Variants in CNBD1 observed in about 807,000 individuals in gnomAD.
CNBD1 encodes the protein cyclic nucleotide binding domain containing 1.
A neutral mutation model predicts 54.4 loss-of-function variants in CNBD1; 71 were observed. The observed-to-expected ratio is 1.30, with a 90% CI of 1.08 to 1.59. The LOEUF (loss-of-function observed/expected upper bound fraction) is 1.59. Among genes scored for constraint, CNBD1 ranks in the 40% most tolerant of loss-of-function variants. The probability of loss-of-function intolerance (pLI) is 0.00; values close to 1 mark genes in which losing one functional copy is unlikely to be tolerated. For synonymous variants in CNBD1, 182 were observed against 170.7 expected (o/e 1.07, Z -0.51); for missense variants, 659 against 518.0 (o/e 1.27, Z -2.64).
intron 10 of CNBD1, among the ~76,000 whole-genome samples, chr8:87,362,424 G>C (rs76043961): frequency 6.6e-6 from 1 of 152,172 alleles, no homozygotes; most frequent in East Asian, 1.9e-4. Context: ...CCAACAGACA[G>C]TCCAAGGCAA....
At chr8:87,401,554 T>A (rs573704719) in intron 2 of CNBD1, among the ~76,000 whole-genome samples, 1 of 152,084 alleles carries the variant, frequency 6.6e-6, no homozygotes, top group Non-Finnish European at 1.5e-5. Context: ...TCTTGTTTTT[T>A]ATGTTATTTT....
intron 4 of CNBD1, among the ~76,000 whole-genome samples, chr8:87,067,493 A>G (rs1032388646): frequency 6.6e-6 from 1 of 151,984 alleles, no homozygotes; most frequent in African/African-American, 2.4e-5. Flanking sequence ...GTTTATAAAA[A>G]TTTCATGAGA....
In CNBD1 at chr8:87,373,663, G is replaced by A. The variant is rs189347286; in HGVS notation, c.1304-8957G>A. ...TAGATGAAAGAAAATTACAATAAAT[G>A]TTGGCTTATAGGAATTGCCAATTCA... On this transcript the variant is annotated intron_variant, in intron 10 of 10. Coordinates refer to ENST00000518476, the MANE Select transcript of CNBD1 (RefSeq NM_173538.3). Among the ~76,000 whole-genome samples the A allele has an allele frequency of 4.6e-5, 7 of 151,856 alleles. No homozygotes were observed. The East Asian group carries it at 7.8e-4, about 17-fold the overall frequency.
chr8:87,126,665 T>A (rs1308398831), intron 4 of CNBD1, among the ~76,000 whole-genome samples: 1 of 151,728 alleles, frequency 6.6e-6, no homozygotes, highest in East Asian at 1.9e-4. Context: ...AGTTTAACAG[T>A]TTTTTTTATG....
At chr8:87,069,697 T>C (rs1043771928) in intron 4 of CNBD1, among the ~76,000 whole-genome samples, 1 of 152,144 alleles carries the variant, frequency 6.6e-6, no homozygotes, top group Non-Finnish European at 1.5e-5. Flanking sequence ...ATGTTAGGAA[T>C]CTACTGGAGT....
At chr8:87,283,455 G>A (rs1808634526) in intron 6 of CNBD1, among the ~76,000 whole-genome samples, 1 of 151,892 alleles carries the variant, frequency 6.6e-6, no homozygotes, top group African/African-American at 2.4e-5. Flanking sequence ...CTTTCTCTCT[G>A]AATTTATACA....
intron 4 of CNBD1, among the ~76,000 whole-genome samples, chr8:87,085,136 A>G (rs1365564821): frequency 3.3e-5 from 5 of 152,070 alleles, no homozygotes; most frequent in Non-Finnish European, 7.4e-5. Context: ...TGAGATTTCA[A>G]TTACATGTGT....
chr8:87,278,519 C>T (rs1276800650), intron 6 of CNBD1, among the ~76,000 whole-genome samples: 2 of 151,500 alleles, frequency 1.3e-5, no homozygotes, highest in African/African-American at 4.8e-5. Flanking sequence ...TTAAAGCATT[C>T]AGGAAAAAAA....
chr8:86,939,489 A>C, intron 3 of CNBD1, 107 bp from the exon 4 acceptor site: 1 of 715,048 alleles, frequency 1.4e-6, no homozygotes, highest in East Asian at 2.9e-5. Flanking sequence ...GAAAATGACA[A>C]ATTTTCTCAA....
At chr8:87,329,369 T>C (rs570136531) in intron 8 of CNBD1, among the ~76,000 whole-genome samples, 10 of 152,196 alleles carry the variant, frequency 6.6e-5, no homozygotes, top group Admixed American at 1.3e-4. Context: ...TCTTCAATAT[T>C]GTATTGGCTA....
At chr8:87,320,620 G>A (rs970287307) in intron 8 of CNBD1, among the ~76,000 whole-genome samples, 2 of 85,028 alleles carry the variant, frequency 2.4e-5, no homozygotes, top group Admixed American at 1.1e-4. Context: ...GTGTGTGTGT[G>A]GGGGGGCGGC....
At position 87,423,445 on chromosome 8, in the gene CNBD1, G is replaced by C. The variant is rs1451010270; in HGVS notation, c.214-5101G>C. On this transcript the variant is annotated intron_variant, in intron 2 of 7. Transcript: ENST00000521593. ...GATAGCTCTTATTATTTTGAAATATGTCCCATCAGTACCTACTTTATTGAG... is the reference window on the plus strand; with the variant it reads ...GATAGCTCTTATTATTTTGAAATATCTCCCATCAGTACCTACTTTATTGAG... Among the ~76,000 whole-genome samples, 5 of 151,786 alleles carry C rather than the reference G, an allele frequency of 3.3e-5. No individual in the cohort carries two copies. The East Asian group carries it at 5.8e-4, about 18-fold the overall frequency.
chr8:87,239,430 A>C (rs1025296539), intron 6 of CNBD1, among the ~76,000 whole-genome samples: 31 of 152,112 alleles, frequency 2.0e-4, no homozygotes, highest in African/African-American at 7.2e-4. Context: ...ACTATTTCCA[A>C]AGATTTGTGT....
At chr8:86,912,417 AGTGGATCACATATACCATG>A (rs2131816034) in intron 3 of CNBD1, among the ~76,000 whole-genome samples, 1 of 152,350 alleles carries the variant, frequency 6.6e-6, no homozygotes, top group African/African-American at 2.4e-5. Context: ...TTCAGCCAAC[AGTGGATCACATATACCATG>A]GTGGTCCCAT....
chr8:87,227,282 T>G (rs201073974), intron 5 of CNBD1, among the ~76,000 whole-genome samples: 55,045 of 144,750 alleles, frequency 0.38, 11,742 homozygotes, highest in Non-Finnish European at 0.49. Flanking sequence ...ATCCTGTCAT[T>G]ATGATGTTAG....
chr8:86,884,176 C>CAA (rs1402362900), intron 1 of CNBD1, among the ~76,000 whole-genome samples: 2 of 149,648 alleles, frequency 1.3e-5, no homozygotes, highest in Non-Finnish European at 3.0e-5. Flanking sequence ...CAAAACAAAA[C>CAA]AAAAAAACCT....
intron 4 of CNBD1, among the ~76,000 whole-genome samples, chr8:86,956,390 G>T (rs1014334825): frequency 6.6e-6 from 1 of 152,108 alleles, no homozygotes; most frequent in African/African-American, 2.4e-5. Context: ...AGCTTGATGG[G>T]GATGGCATTG....
chr8:87,033,399 C>A (rs183291701), intron 4 of CNBD1, among the ~76,000 whole-genome samples: 93 of 152,298 alleles, frequency 6.1e-4, no homozygotes, highest in African/African-American at 2.2e-3. Context: ...CAATTTCTTA[C>A]TGACAAGGTA....
At chr8:87,262,741 T>A (rs1011659092) in intron 6 of CNBD1, among the ~76,000 whole-genome samples, 4 of 152,162 alleles carry the variant, frequency 2.6e-5, no homozygotes, top group Non-Finnish European at 1.5e-5. Flanking sequence ...AATTTACCGC[T>A]TAGGCATCCA....
Sources: allele counts gnomAD v4.1 joint callset (sites outside exome capture counted in the v4.1 genomes callset), GRCh38; gene constraint gnomAD v4.1.1; transcripts MANE v1.5; gene names NCBI Gene and HGNC (gene_info 2026-07-23, HGNC 2026-07-21).